SETBP1: variants seen among roughly 807,000 people sequenced by gnomAD.
SETBP1 encodes the protein SET-binding protein.
A neutral mutation model predicts 101.0 loss-of-function variants in SETBP1; 9 were observed. The ratio of observed to expected loss-of-function variants is 0.09; its 90% CI spans 0.05 to 0.16. SETBP1 has a LOEUF of 0.16. Ranked by LOEUF, SETBP1 falls within the 10% of genes least tolerant of loss-of-function variation. The probability of loss-of-function intolerance (pLI) is 1.00; values close to 1 mark genes in which losing one functional copy is unlikely to be tolerated. For synonymous variants in SETBP1, 818 were observed against 788.5 expected, an observed-to-expected ratio of 1.04 and a Z score of -0.63; for missense variants, 1,858 against 2,033.8, an observed-to-expected ratio of 0.91 and a Z score of 1.66.
In SETBP1 at chr18:44,990,679, TG is replaced by T. The variant is rs370983855; in HGVS notation, c.4000+37341del. Among the ~76,000 whole-genome samples, 488 of 150,610 alleles carry T rather than the reference TG, an allele frequency of 3.2e-3. 2 individuals carry two copies. Among genetic ancestry groups the T allele is most frequent in the African/African-American group, 0.011 (467 of 41,096 alleles). On this transcript the variant is annotated intron_variant, in intron 4 of 5. Transcript: ENST00000649279. ...CACACAGACCCCCCCACACACACGT[TG>T]GCTCTACAAAACAAAACACTAAAAA...
At chr18:44,774,612 G>A (rs1357177470) in intron 2 of SETBP1, among the ~76,000 whole-genome samples, 1 of 152,146 alleles carries the variant, frequency 6.6e-6, no homozygotes, top group African/African-American at 2.4e-5. Flanking sequence ...ATGATTTGTG[G>A]ATAGGGTGCG....
chr18:44,792,563 C>T (rs897657805), intron 2 of SETBP1, among the ~76,000 whole-genome samples: 1 of 152,212 alleles, frequency 6.6e-6, no homozygotes, highest in African/African-American at 2.4e-5. Context: ...TGTTGCCCAC[C>T]ACCGCCTGGA....
intron 3 of SETBP1, among the ~76,000 whole-genome samples, chr18:44,931,110 A>G (rs1303674828): frequency 6.6e-6 from 1 of 152,188 alleles, no homozygotes; most frequent in African/African-American, 2.4e-5. Flanking sequence ...ACTGCTTTAA[A>G]TGTGTCCCAG....
At chr18:44,821,320 G>A (rs192253271) in intron 2 of SETBP1, among the ~76,000 whole-genome samples, 14 of 152,264 alleles carry the variant, frequency 9.2e-5, no homozygotes, top group Admixed American at 1.3e-4. Flanking sequence ...TTGCTGGTGC[G>A]TCTCTTTCCT....
chr18:44,882,221 A>T (rs758809692), intron 3 of SETBP1, among the ~76,000 whole-genome samples: 22 of 152,162 alleles, frequency 1.4e-4, no homozygotes, highest in Admixed American at 6.5e-4. Flanking sequence ...GTTTGTTTAC[A>T]TTTGGCTCCA....
At chr18:44,957,206 A>G (rs749468736) in intron 4 of SETBP1, among the ~76,000 whole-genome samples, 3 of 152,178 alleles carry the variant, frequency 2.0e-5, no homozygotes, top group African/African-American at 4.8e-5. Context: ...GTGACAATGC[A>G]TAGTCAGAAT....
chr18:44,911,958 CAT>C (rs1555699022), intron 3 of SETBP1, among the ~76,000 whole-genome samples: 1 of 151,864 alleles, frequency 6.6e-6, no homozygotes, highest in South Asian at 2.1e-4. Flanking sequence ...CACACACACA[CAT>C]AGGCACAAAC....
intron 5 of SETBP1, among the ~76,000 whole-genome samples, chr18:45,044,701 A>C (rs568677958): frequency 1.8e-4 from 27 of 152,296 alleles, no homozygotes; most frequent in African/African-American, 6.5e-4. Flanking sequence ...ACCAAATTTC[A>C]ACTCCTTTGG....
At chr18:44,966,879 T>C (rs2145174493) in intron 4 of SETBP1, among the ~76,000 whole-genome samples, 1 of 152,290 alleles carries the variant, frequency 6.6e-6, no homozygotes, top group South Asian at 2.1e-4. Flanking sequence ...ATGAAGCTGT[T>C]AATACCCACC....
intron 3 of SETBP1, among the ~76,000 whole-genome samples, chr18:44,920,558 G>A (rs17788041): frequency 0.097 from 14,837 of 152,214 alleles, 742 homozygotes; most frequent in East Asian, 0.15. Flanking sequence ...AGGGGTGCAG[G>A]AAGATCAGAC....
At chr18:44,756,665 T>TCTTCCCTCCC (rs1485455043) in intron 2 of SETBP1, among the ~76,000 whole-genome samples, 3 of 152,206 alleles carry the variant, frequency 2.0e-5, no homozygotes, top group Non-Finnish European at 4.4e-5. Flanking sequence ...CTTTCCCTTC[T>TCTTCCCTCCC]CTTCCCTCCC....
At chr18:44,902,457 G>T (rs1007466674) in intron 3 of SETBP1, among the ~76,000 whole-genome samples, 2 of 131,486 alleles carry the variant, frequency 1.5e-5, no homozygotes, top group African/African-American at 5.6e-5. Context: ...ATCAGCTAGT[G>T]CAAGAGAGAG....
Position 44,950,336 on chromosome 18 carries a change from C to G in SETBP1, c.996C>G (p.Gly332=). Residue 332 remains glycine, a synonymous_variant, in exon 4 of 6, where the codon GGC becomes GGG. Transcript: ENST00000649279. ...TKEPPEPPTV[G]SKKKSSKKDV... is the part of the protein sequence containing the mutation. Reference sequence around the variant, plus strand: ...AGCCCCCAGAACCACCTACGGTGGGCAGCAAGAAAAAGTCCAGTAAAAAAG... The same window carrying G: ...AGCCCCCAGAACCACCTACGGTGGGGAGCAAGAAAAAGTCCAGTAAAAAAG... 1 of 1,614,076 alleles carries G rather than the reference C, an allele frequency of 6.2e-7. No homozygotes were observed. Among genetic ancestry groups the G allele is most frequent in the South Asian group, 1.1e-5 (1 of 91,088 alleles).
intron 2 of SETBP1, among the ~76,000 whole-genome samples, chr18:44,705,937 G>A (rs1194813802): frequency 6.6e-6 from 1 of 152,174 alleles, no homozygotes; most frequent in Non-Finnish European, 1.5e-5. Flanking sequence ...TTCTAACCAG[G>A]ATAGAAGTCT....
intron 2 of SETBP1, among the ~76,000 whole-genome samples, chr18:44,791,530 A>G (rs2071371145): frequency 6.6e-6 from 1 of 152,098 alleles, no homozygotes; most frequent in African/African-American, 2.4e-5. Context: ...GTGGTGGGGG[A>G]CACATTCAGG....
intron 3 of SETBP1, among the ~76,000 whole-genome samples, chr18:44,902,673 C>G (rs1021022556): frequency 6.6e-6 from 1 of 152,048 alleles, no homozygotes; most frequent in African/African-American, 2.4e-5. Flanking sequence ...TATAAATGTT[C>G]ATGTCTTTTT....
chr18:44,766,192 T>C (rs1216368814), intron 2 of SETBP1, among the ~76,000 whole-genome samples: 3 of 152,216 alleles, frequency 2.0e-5, no homozygotes, highest in Non-Finnish European at 2.9e-5. Flanking sequence ...CAGTCCACAT[T>C]GAAATACAGG....
intron 2 of SETBP1, among the ~76,000 whole-genome samples, chr18:44,844,268 A>G (rs1302669093): frequency 6.7e-6 from 1 of 149,764 alleles, no homozygotes; most frequent in Non-Finnish European, 1.5e-5. Flanking sequence ...CCCCCATATA[A>G]CTCCTCCTTC....
At chr18:44,820,177 C>T (rs900185175) in intron 2 of SETBP1, among the ~76,000 whole-genome samples, 5 of 152,214 alleles carry the variant, frequency 3.3e-5, no homozygotes, top group Non-Finnish European at 5.9e-5. Flanking sequence ...CTGAGCGCCA[C>T]GTGGCGGGCA....
Sources: allele counts gnomAD v4.1 joint callset (sites outside exome capture counted in the v4.1 genomes callset), GRCh38; gene constraint gnomAD v4.1.1; transcripts MANE v1.5; gene names NCBI Gene and HGNC (gene_info 2026-07-23, HGNC 2026-07-21).